CAMTA1: variants seen among roughly 807,000 people sequenced by gnomAD.
The protein encoded by CAMTA1 is calmodulin-binding transcription activator 1.
A neutral mutation model predicts 170.9 loss-of-function variants in CAMTA1; 27 were observed. The ratio of observed to expected loss-of-function variants is 0.16; its 90% CI spans 0.12 to 0.22. The LOEUF is 0.22. Ranked by LOEUF, CAMTA1 falls within the 10% of genes least tolerant of loss-of-function variation. The pLI, the probability that CAMTA1 is intolerant of heterozygous loss-of-function variation, is 1.00. For synonymous variants in CAMTA1, 833 were observed against 891.5 expected (o/e 0.93, Z 1.17); for missense variants, 1,619 against 2,217.2 (o/e 0.73, Z 5.42).
At position 7,187,431 on chromosome 1, in the gene CAMTA1, T is replaced by C. The variant is rs140347636; in HGVS notation, c.303-62060T>C. Among the ~76,000 whole-genome samples the C allele has an allele frequency of 3.5e-3, 526 of 152,314 alleles. 5 individuals are homozygous for C. Among genetic ancestry groups the C allele is most frequent in the African/African-American group, 0.012 (503 of 41,572 alleles). ...ATTATATTGAAAGCAGATGGTGATT[T>C]TTTTTAACGTCGTTACTTAACAAAA... On this transcript the variant is annotated intron_variant, in intron 4 of 22. Transcript: ENST00000303635.
rs533358067 is a variant in CAMTA1 at position 7,440,449 on chromosome 1, A to T, written c.439-27381A>T. On this transcript the variant is annotated intron_variant, in intron 5 of 22. Coordinates refer to ENST00000303635, the MANE Select transcript of CAMTA1 (RefSeq NM_015215.4). Reference sequence around the variant, plus strand: ...GTGTGTTGCCTGGGAGTTCCACGGCACCGGCTGAACCTGCATCTTGAAGGT... The same window carrying T: ...GTGTGTTGCCTGGGAGTTCCACGGCTCCGGCTGAACCTGCATCTTGAAGGT... Among the ~76,000 whole-genome samples, 170 of 152,374 alleles carry T rather than the reference A, an allele frequency of 1.1e-3. 1 individual carries two copies. Among genetic ancestry groups the T allele is most frequent in the African/African-American group, 4.0e-3 (165 of 41,600 alleles).
At chr1:7,586,904 C>T (rs1217853025) in intron 6 of CAMTA1, among the ~76,000 whole-genome samples, 1 of 151,966 alleles carries the variant, frequency 6.6e-6, no homozygotes, top group Non-Finnish European at 1.5e-5. Context: ...ATGGGGACGT[C>T]CCCACCTTGT....
At chr1:7,380,147 C>T (rs2087171486) in intron 5 of CAMTA1, among the ~76,000 whole-genome samples, 1 of 152,166 alleles carries the variant, frequency 6.6e-6, no homozygotes, top group African/African-American at 2.4e-5. Context: ...TTTTAACATA[C>T]CTATTATTTA....
intron 6 of CAMTA1, among the ~76,000 whole-genome samples, chr1:7,603,333 T>A (rs1218855114): frequency 6.6e-6 from 1 of 152,228 alleles, no homozygotes; most frequent in East Asian, 1.9e-4. Context: ...TCTTTGTAGA[T>A]CTCTAAGGAC....
intron 4 of CAMTA1, among the ~76,000 whole-genome samples, chr1:7,105,486 A>C (rs538524760): frequency 6.6e-6 from 1 of 152,254 alleles, no homozygotes; most frequent in Non-Finnish European, 1.5e-5. Context: ...GCTCGGAGGC[A>C]GAGGCGGATC....
intron 11 of CAMTA1, among the ~76,000 whole-genome samples, chr1:7,696,601 A>G (rs555599406): frequency 7.0e-4 from 107 of 151,876 alleles, no homozygotes; most frequent in Non-Finnish European, 1.3e-3. Context: ...TAAAATGCCC[A>G]TTTACCACTG....
chr1:7,581,954 A>G (rs1471811129), intron 6 of CAMTA1, among the ~76,000 whole-genome samples: 2 of 152,210 alleles, frequency 1.3e-5, no homozygotes, highest in African/African-American at 2.4e-5. Context: ...ACAGCCCACA[A>G]GGATGGTGTG....
chr1:7,747,213 T>C (rs2096863280), intron 18 of CAMTA1, among the ~76,000 whole-genome samples: 1 of 152,200 alleles, frequency 6.6e-6, no homozygotes, highest in Non-Finnish European at 1.5e-5. Flanking sequence ...GGTTTTCAAC[T>C]GGAGGCCTGG....
rs2149928959 is a variant in CAMTA1, at chr1:7,732,572, G to A, written c.3039G>A (p.Gly1013=). ...SGGGSSGGGS[G]SGNGGSQAQC... ...GCGGCAGCAGTGGAGGCGGCAGCGG[G>A]AGCGGGAATGGAGGGAGCCAGGCAC... Residue 1013 remains glycine, a synonymous_variant, in exon 12 of 23, where the codon GGG becomes GGA. Transcript: ENST00000303635. The surrounding 1 kb of genome is among the most constrained non-coding windows in gnomAD (Gnocchi z 4.1). 1 of 1,611,036 alleles carries A rather than the reference G, an allele frequency of 6.2e-7. No individual in the cohort carries two copies. The highest frequency in any genetic ancestry group is 1.1e-5 in the South Asian group (1 of 90,684).
intron 5 of CAMTA1, among the ~76,000 whole-genome samples, chr1:7,422,989 T>TAA (rs2091662115): frequency 6.6e-6 from 1 of 152,032 alleles, no homozygotes; most frequent in Admixed American, 6.5e-5. Flanking sequence ...TTAATGGCAG[T>TAA]GCCATTTAAG....
intron 3 of CAMTA1, among the ~76,000 whole-genome samples, chr1:6,913,448 G>A (rs369870429): frequency 3.3e-5 from 5 of 152,286 alleles, no homozygotes; most frequent in African/African-American, 1.2e-4. Context: ...AGCCATCATG[G>A]TAACGAGGCA....
intron 16 of CAMTA1, among the ~76,000 whole-genome samples, chr1:7,743,738 A>T (rs1416801391): frequency 1.3e-5 from 2 of 152,104 alleles, no homozygotes. Flanking sequence ...AGAGGTATGC[A>T]AGGACATTTT....
intron 5 of CAMTA1, among the ~76,000 whole-genome samples, chr1:7,295,597 C>T (rs552549150): frequency 5.6e-4 from 86 of 152,308 alleles, no homozygotes; most frequent in African/African-American, 1.8e-3. Context: ...CAGTATCACA[C>T]GGCCACATGG....
chr1:7,102,417 T>C lies in CAMTA1; in HGVS notation c.302+11046T>C, dbSNP rs527763458. 1.7e-4 allele frequency among the ~76,000 whole-genome samples: 26 copies of C among 152,192 alleles called. No homozygotes were observed. In the Middle Eastern group the frequency reaches 0.02, roughly 119 times the overall value. On this transcript the variant is annotated intron_variant, in intron 4 of 22. Coordinates refer to ENST00000303635, the MANE Select transcript of CAMTA1 (RefSeq NM_015215.4). ...TCACTCTCTCCACCGGGATGATCTG[T>C]AGGAATTCAGGATCTGAGTTTTTTA...
intron 9 of CAMTA1, among the ~76,000 whole-genome samples, chr1:7,669,304 T>C (rs2096033232): frequency 1.3e-5 from 2 of 152,254 alleles, no homozygotes; most frequent in South Asian, 4.1e-4. Flanking sequence ...TCTCTTTTCC[T>C]GGCTGGGCAA....
intron 5 of CAMTA1, among the ~76,000 whole-genome samples, chr1:7,354,530 A>G (rs2084952517): frequency 6.6e-6 from 1 of 152,232 alleles, no homozygotes; most frequent in African/African-American, 2.4e-5. Context: ...TAATGCTGCA[A>G]TGAACATGTG....
At chr1:7,107,310 A>G (rs1412076216) in intron 4 of CAMTA1, among the ~76,000 whole-genome samples, 1 of 62,044 alleles carries the variant, frequency 1.6e-5, no homozygotes, top group Admixed American at 1.5e-4. Context: ...GTGCGCGCCC[A>G]CACACACAGC....
intron 22 of CAMTA1, among the ~76,000 whole-genome samples, chr1:7,760,001 G>C (rs181055127): frequency 3.3e-5 from 5 of 152,126 alleles, no homozygotes; most frequent in Admixed American, 6.5e-5. Flanking sequence ...CTGTGAGAAG[G>C]CTTTATAAAC....
At chr1:7,339,376 C>T (rs2083625090) in intron 5 of CAMTA1, among the ~76,000 whole-genome samples, 1 of 152,170 alleles carries the variant, frequency 6.6e-6, no homozygotes, top group Non-Finnish European at 1.5e-5. Flanking sequence ...AAGCCCTCTC[C>T]AAGGAGGGAC....
Sources: allele counts gnomAD v4.1 joint callset (sites outside exome capture counted in the v4.1 genomes callset), GRCh38; gene constraint gnomAD v4.1.1; non-coding constraint Gnocchi (gnomAD v3.1); transcripts MANE v1.5; gene names NCBI Gene and HGNC (gene_info 2026-07-23, HGNC 2026-07-21).